The following ASPRV1 variants were observed in gnomAD, a reference collection of about 807,000 sequenced individuals.
The protein encoded by ASPRV1 is aspartic peptidase retroviral like 1.
A neutral mutation model predicts 11.0 loss-of-function variants in ASPRV1; 7 were observed. The observed-to-expected ratio is 0.64, with a 90% CI of 0.36 to 1.20. ASPRV1 has a LOEUF of 1.20. Ranked by LOEUF, ASPRV1 falls within the 50% of genes most tolerant of loss-of-function variation. The pLI is 0.02. For synonymous variants in ASPRV1, 136 were observed against 138.4 expected (o/e 0.98, Z 0.12); for missense variants, 299 against 320.0 (o/e 0.93, Z 0.50).
At chr2:70,086,693 G>T in the ASPRV1 span, among the ~76,000 whole-genome samples, 5 of 152,256 alleles carry the variant, frequency 3.3e-5, no homozygotes, top group Non-Finnish European at 7.3e-5. Context: ...AGGGTGCCGC[G>T]GTGGAAACGA....
the ASPRV1 span, among the ~76,000 whole-genome samples, chr2:69,977,021 G>A: frequency 2.0e-5 from 3 of 151,916 alleles, no homozygotes; most frequent in African/African-American, 7.3e-5. Flanking sequence ...GTGAAACCCC[G>A]TCTCTACTAA....
At chr2:70,042,009 T>A in the ASPRV1 span, among the ~76,000 whole-genome samples, 1 of 152,070 alleles carries the variant, frequency 6.6e-6, no homozygotes, top group African/African-American at 2.4e-5. Context: ...CTATTTGATG[T>A]CCATTCCTTT....
the ASPRV1 span, among the ~76,000 whole-genome samples, chr2:70,036,165 A>G: frequency 1.3e-5 from 2 of 151,968 alleles, no homozygotes; most frequent in South Asian, 4.2e-4. Flanking sequence ...AGCTAGGAGC[A>G]GTGAAGAGGT....
chr2:70,082,017 T>A, the ASPRV1 span, among the ~76,000 whole-genome samples: 1 of 151,802 alleles, frequency 6.6e-6, no homozygotes, highest in African/African-American at 2.4e-5. Flanking sequence ...TCACTCTGTC[T>A]CCCAGGCTGG....
At chr2:70,004,219 G>A in the ASPRV1 span, among the ~76,000 whole-genome samples, 1 of 152,124 alleles carries the variant, frequency 6.6e-6, no homozygotes, top group Non-Finnish European at 1.5e-5. Flanking sequence ...ACCAACTCCA[G>A]ATGGAGTCCT....
the ASPRV1 span, among the ~76,000 whole-genome samples, chr2:70,071,163 T>C: frequency 6.6e-6 from 1 of 152,128 alleles, no homozygotes; most frequent in Non-Finnish European, 1.5e-5. Context: ...TCACAGACAA[T>C]TGTAAAGACT....
the ASPRV1 span, among the ~76,000 whole-genome samples, chr2:70,068,516 C>T: frequency 2.6e-5 from 4 of 152,120 alleles, no homozygotes; most frequent in Non-Finnish European, 5.9e-5. Flanking sequence ...TCCAAAGCAC[C>T]AATTCCAAAA....
chr2:69,998,865 C>G, the ASPRV1 span, among the ~76,000 whole-genome samples: 1 of 152,132 alleles, frequency 6.6e-6, no homozygotes, highest in African/African-American at 2.4e-5. Flanking sequence ...GGCAGGGCTC[C>G]GGGCATGACT....
the ASPRV1 span, among the ~76,000 whole-genome samples, chr2:70,072,113 A>G: frequency 2.0e-5 from 3 of 151,934 alleles, no homozygotes; most frequent in Non-Finnish European, 4.4e-5. Flanking sequence ...CACCATGCCC[A>G]GCTAACTTTT....
At chr2:70,065,390 C>CAAAAA in the ASPRV1 span, among the ~76,000 whole-genome samples, 34 of 52,674 alleles carry the variant, frequency 6.5e-4, no homozygotes, top group African/African-American at 9.1e-4. Context: ...GACACCATCT[C>CAAAAA]AAAAAAAAAA....
chr2:70,034,398 C>T, the ASPRV1 span, among the ~76,000 whole-genome samples: 4 of 151,148 alleles, frequency 2.6e-5, no homozygotes, highest in Admixed American at 6.6e-5. Context: ...GTGAAACCCC[C>T]GTCTCTACTA....
the ASPRV1 span, among the ~76,000 whole-genome samples, chr2:70,080,753 T>C: frequency 6.6e-6 from 1 of 152,320 alleles, no homozygotes; most frequent in African/African-American, 2.4e-5. Context: ...AAAACAATAG[T>C]CACCAAAAAC....
the ASPRV1 span, among the ~76,000 whole-genome samples, chr2:70,010,004 C>G: frequency 1.3e-5 from 2 of 152,136 alleles, no homozygotes; most frequent in Admixed American, 1.3e-4. Context: ...TGGGTGTGGC[C>G]GTGTCCAGCA....
At chr2:69,982,006 G>A in the ASPRV1 span, among the ~76,000 whole-genome samples, 3 of 151,534 alleles carry the variant, frequency 2.0e-5, no homozygotes, top group African/African-American at 7.3e-5. Context: ...CTCTCCCTAC[G>A]GGCTCCTTCC....
the ASPRV1 span, among the ~76,000 whole-genome samples, chr2:70,083,853 C>T: frequency 1.3e-5 from 2 of 152,188 alleles, no homozygotes; most frequent in Non-Finnish European, 2.9e-5. Flanking sequence ...AAAGGGAGAA[C>T]TGAAACCCTG....
the ASPRV1 span, among the ~76,000 whole-genome samples, chr2:70,053,033 G>C: frequency 6.6e-6 from 1 of 152,112 alleles, no homozygotes; most frequent in Non-Finnish European, 1.5e-5. Flanking sequence ...CTCCATGCCT[G>C]TACTCATAAG....
At chr2:69,944,824 C>T in the ASPRV1 span, among the ~76,000 whole-genome samples, 1 of 152,024 alleles carries the variant, frequency 6.6e-6, no homozygotes, top group African/African-American at 2.4e-5. Flanking sequence ...TACTGCTGAT[C>T]CTCCTGGGGA....
chr2:70,061,741 G>C, the ASPRV1 span, among the ~76,000 whole-genome samples: 1 of 151,978 alleles, frequency 6.6e-6, no homozygotes, highest in Non-Finnish European at 1.5e-5. Context: ...CTGAGGTCAA[G>C]AGTTCAAGAC....
chr2:70,084,721 T>C, the ASPRV1 span, among the ~76,000 whole-genome samples: 5 of 152,358 alleles, frequency 3.3e-5, no homozygotes, highest in Middle Eastern at 6.8e-3. Context: ...TATGTGTGCA[T>C]AAATGTCTTA....
Sources: allele counts gnomAD v4.1 joint callset (sites outside exome capture counted in the v4.1 genomes callset), GRCh38; gene constraint gnomAD v4.1.1; transcripts MANE v1.5; gene names NCBI Gene and HGNC (gene_info 2026-07-23, HGNC 2026-07-21).